Variants in CDKL5 observed in about 807,000 individuals in gnomAD.
CDKL5 encodes the protein cyclin-dependent kinase-like 5.
Under a neutral mutation model 61.7 loss-of-function variants are expected in CDKL5, and 8 were observed. The observed-to-expected ratio is 0.13, with a 90% CI of 0.08 to 0.23. The LOEUF is 0.23. Among genes scored for constraint, CDKL5 ranks in the 10% least tolerant of loss-of-function variants. The pLI is 1.00. For missense variants in CDKL5, 440 were observed against 734.5 expected (o/e 0.60, Z 4.63); for synonymous variants, 275 against 272.3 (o/e 1.01, Z -0.10).
At chrX:18,431,423 CT>C (rs1177063856) in intron 1 of CDKL5, among the ~76,000 whole-genome samples, 291 of 95,481 alleles carry the variant, frequency 3.0e-3, no homozygotes, top group Middle Eastern at 5.4e-3. Flanking sequence ...GATTTCTTTT[CT>C]TTTTTTTTTT....
intron 3 of CDKL5, among the ~76,000 whole-genome samples, chrX:18,559,876 A>G (rs1296894702): frequency 9.8e-6 from 1 of 101,688 alleles, no homozygotes; most frequent in African/African-American, 3.6e-5. Flanking sequence ...GAGTGAGAAC[A>G]TGCGGTGTTT....
intron 3 of CDKL5, among the ~76,000 whole-genome samples, chrX:18,556,882 CAAAA>C (rs67362338): frequency 2.2e-5 from 1 of 44,961 alleles, no homozygotes; most frequent in Non-Finnish European, 3.5e-5. Flanking sequence ...GACTCCGTCT[CAAAA>C]AAAAAAAAAA....
At chrX:18,581,637 A>G (rs554171805) in intron 6 of CDKL5, among the ~76,000 whole-genome samples, 2 of 111,763 alleles carry the variant, frequency 1.8e-5, no homozygotes, top group African/African-American at 6.5e-5. Context: ...TCTTTCAGAG[A>G]TCCAACTAAT....
chrX:18,433,988 C>A, intron 1 of CDKL5, among the ~76,000 whole-genome samples: 1 of 112,236 alleles, frequency 8.9e-6, no homozygotes. Flanking sequence ...GTGTCTACTT[C>A]AGACTGGATT....
intron 3 of CDKL5, among the ~76,000 whole-genome samples, chrX:18,511,702 C>T (rs1215376592): frequency 9.0e-6 from 1 of 111,408 alleles, no homozygotes; most frequent in African/African-American, 3.3e-5. Flanking sequence ...ACATATTTTT[C>T]AGAATGTATT....
chrX:18,504,128 C>T (rs1922483641), intron 1 of CDKL5, among the ~76,000 whole-genome samples: 1 of 110,072 alleles, frequency 9.1e-6, no homozygotes, highest in African/African-American at 3.3e-5. Flanking sequence ...TTGGTGGAGA[C>T]AGGGTCTCAC....
At chrX:18,473,112 C>T (rs769356584) in intron 1 of CDKL5, among the ~76,000 whole-genome samples, 31 of 109,102 alleles carry the variant, frequency 2.8e-4, no homozygotes, top group Non-Finnish European at 4.0e-4. Flanking sequence ...CATGCCACCA[C>T]GCCTGGCTAA....
intron 1 of CDKL5, among the ~76,000 whole-genome samples, chrX:18,452,962 C>G (rs996586034): frequency 2.1e-4 from 23 of 107,164 alleles, no homozygotes; most frequent in African/African-American, 7.1e-4. Flanking sequence ...TCCCTAGTAG[C>G]TGGGATTACA....
At chrX:18,495,309 C>T (rs1029783656) in intron 1 of CDKL5, among the ~76,000 whole-genome samples, 1 of 112,294 alleles carries the variant, frequency 8.9e-6, no homozygotes, top group Non-Finnish European at 1.9e-5. Context: ...ATTCAAGGCC[C>T]AGGCAGCTCT....
In CDKL5 at chrX:18,536,432, G is replaced by GTT. The variant is rs746308567; in HGVS notation, c.99+25609_99+25610dup. On this transcript the variant is annotated intron_variant, in intron 3 of 17. Transcript: ENST00000623535. The stretch of plus-strand genomic sequence containing the variant: ...AGAGAGTATTATTTATTCAATACAG[G>GTT]TTTTTTTTTTTTTTTTTTTTTTTTT... Among the ~76,000 whole-genome samples the GTT allele has an allele frequency of 4.4e-3, 177 of 40,544 alleles. 28 individuals are homozygous for GTT. The highest frequency in any genetic ancestry group is 0.039 in the East Asian group (35 of 895). 35.2% of individuals were successfully genotyped at this position (40,544 alleles called of 115,157 possible).
intron 16 of CDKL5, among the ~76,000 whole-genome samples, 183 bp downstream of exon 16, chrX:18,620,149 A>G (rs1340255979): frequency 8.9e-6 from 1 of 112,225 alleles, no homozygotes; most frequent in Non-Finnish European, 1.9e-5. Flanking sequence ...CCTTTTCTAC[A>G]TTCAACAGAA....
chrX:18,494,313 T>C (rs1168265209), intron 1 of CDKL5, among the ~76,000 whole-genome samples: 3 of 112,100 alleles, frequency 2.7e-5, no homozygotes, highest in Admixed American at 1.9e-4. Flanking sequence ...AATGGCAAGA[T>C]CTTGGCTCAC....
intron 1 of CDKL5, among the ~76,000 whole-genome samples, chrX:18,433,551 A>T (rs191125359): frequency 3.9e-4 from 44 of 112,737 alleles, no homozygotes; most frequent in African/African-American, 1.4e-3. Context: ...ACTCCGTTTA[A>T]ATAAAAAAAA....
chrX:18,514,517 G>C (rs1602234935), intron 3 of CDKL5, among the ~76,000 whole-genome samples: 1 of 110,055 alleles, frequency 9.1e-6, no homozygotes. Context: ...GATCAGCCTG[G>C]CCAACGTGGT....
rs953932915 is a variant in CDKL5 at position 18,651,039 on chromosome X, T to C, written c.2980+447T>C. On this transcript the variant is annotated intron_variant, in intron 21 of 21. Coordinates refer to the CDKL5 transcript ENST00000379989. The stretch of plus-strand genomic sequence containing the variant: ...GTTGATAACCTTCTTGAATTTTGCA[T>C]GTTTTTCTGGCAAAGACTCAATAGG... Among the ~76,000 whole-genome samples, 6 of 110,982 alleles carry C rather than the reference T, an allele frequency of 5.4e-5. 1 individual carries two copies. The highest frequency in any genetic ancestry group is 9.4e-5 in the Non-Finnish European group (5 of 52,928).
intron 5 of CDKL5, among the ~76,000 whole-genome samples, chrX:18,578,253 A>G (rs1328139572): frequency 8.9e-6 from 1 of 112,701 alleles, no homozygotes; most frequent in African/African-American, 3.2e-5. Flanking sequence ...TAAAGTATTC[A>G]ACTTTGTTTT....
intron 3 of CDKL5, among the ~76,000 whole-genome samples, chrX:18,559,747 A>G (rs1924730268): frequency 9.6e-6 from 1 of 103,978 alleles, no homozygotes; most frequent in Non-Finnish European, 2.0e-5. Context: ...CTCGTCATTT[A>G]GCATTAGGTA....
At chrX:18,653,320 C>T in intron 21 of CDKL5, 5 of 1,145,966 alleles carry the variant, frequency 4.4e-6, no homozygotes, top group Non-Finnish European at 5.8e-6. Flanking sequence ...GATTAGGAGG[C>T]CAGAATGCAT....
chrX:18,555,299 G>A (rs1924559368), intron 3 of CDKL5, among the ~76,000 whole-genome samples: 1 of 111,672 alleles, frequency 9.0e-6, no homozygotes, highest in Non-Finnish European at 1.9e-5. Context: ...TATTGAACTA[G>A]ATTTAGTTTT....
Sources: gnomAD v4.1 joint callset for allele counts (sites outside exome capture counted in the v4.1 genomes callset) on GRCh38, gnomAD v4.1.1 for gene constraint, MANE v1.5 for transcripts, NCBI Gene and HGNC (gene_info 2026-07-23, HGNC 2026-07-21) for gene names.